Variants in MRPS21 observed in about 807,000 individuals in gnomAD.
MRPS21 encodes small ribosomal subunit protein bS21m.
A neutral mutation model predicts 9.9 loss-of-function variants in MRPS21; 8 were observed. The ratio of observed to expected loss-of-function variants is 0.81; its 90% CI spans 0.47 to 1.45. MRPS21 has a LOEUF of 1.45. MRPS21 is among the 40% of genes most tolerant of loss of function. The probability of loss-of-function intolerance (pLI) is 0.00; values close to 1 mark genes in which losing one functional copy is unlikely to be tolerated. For synonymous variants in MRPS21, 40 were observed against 40.3 expected, an observed-to-expected ratio of 0.99 and a Z score of 0.03; for missense variants, 101 against 118.9, an observed-to-expected ratio of 0.85 and a Z score of 0.70.
At chr1:150,299,014 G>A (rs1487166129) in intron 2 of MRPS21, among the ~76,000 whole-genome samples, 2 of 152,198 alleles carry the variant, frequency 1.3e-5, no homozygotes, top group East Asian at 1.9e-4. Flanking sequence ...CCAGGAGTTC[G>A]AGACTAGCCT....
chr1:150,294,821 C>T (rs1019444419), intron 2 of MRPS21, among the ~76,000 whole-genome samples: 22 of 149,174 alleles, frequency 1.5e-4, no homozygotes, highest in African/African-American at 5.5e-4. Context: ...TCGCTTGAAC[C>T]CGGGAGGCAG....
intron 2 of MRPS21, 56 bp from the exon 3 acceptor site, chr1:150,307,992 T>A: frequency 1.4e-6 from 2 of 1,432,050 alleles, no homozygotes; most frequent in South Asian, 3.2e-5. Context: ...TTTATGAAAC[T>A]GGAAAAGAAT....
intron 2 of MRPS21, among the ~76,000 whole-genome samples, chr1:150,298,398 A>C (rs587656452): frequency 7.2e-5 from 11 of 152,322 alleles, no homozygotes; most frequent in Non-Finnish European, 1.5e-4. Flanking sequence ...AGATTTAGAT[A>C]GGTCTTCTGG....
chr1:150,307,701 C>A (rs587730012), intron 2 of MRPS21, among the ~76,000 whole-genome samples: 1 of 152,160 alleles, frequency 6.6e-6, no homozygotes, highest in Admixed American at 6.6e-5. Context: ...ACCTCAGCCT[C>A]GTGAGTCGCT....
intron 2 of MRPS21, among the ~76,000 whole-genome samples, chr1:150,300,065 G>A (rs981677346): frequency 7.9e-5 from 12 of 152,182 alleles, no homozygotes; most frequent in African/African-American, 2.6e-4. Flanking sequence ...CCTCCTGGCT[G>A]GGCACAGTGA....
At chr1:150,298,501 C>G (rs587741995) in intron 2 of MRPS21, among the ~76,000 whole-genome samples, 2 of 152,278 alleles carry the variant, frequency 1.3e-5, no homozygotes, top group East Asian at 1.9e-4. Flanking sequence ...TTTTAGTTCC[C>G]TTATTCCTAA....
At position 150,294,453 on chromosome 1, in the gene MRPS21, A is replaced by C; in HGVS notation, c.83+4A>C. On this transcript the variant is annotated splice_donor_region_variant and intron_variant, in intron 2 of 2. Coordinates refer to ENST00000614145, the MANE Select transcript of MRPS21 (RefSeq NM_031901.6). ...GCGCATACAGGACCCTAAACAGGTA[A>C]CTGTTAAGGGACCAGAATCATGCCT... 1 of 1,604,206 alleles carries C rather than the reference A, an allele frequency of 6.2e-7. No individual in the cohort carries two copies. Among genetic ancestry groups the C allele is most frequent in the Non-Finnish European group, 8.5e-7 (1 of 1,171,202 alleles).
chr1:150,294,229 C>G, intron 1 of MRPS21, 106 bp from the exon 2 acceptor site: 1 of 708,154 alleles, frequency 1.4e-6, no homozygotes, highest in Non-Finnish European at 2.5e-6. Context: ...CTCGCGCGTC[C>G]CTGAGCATGT....
At chr1:150,305,779 G>C (rs1164674319) in intron 2 of MRPS21, among the ~76,000 whole-genome samples, 2 of 152,114 alleles carry the variant, frequency 1.3e-5, no homozygotes, top group African/African-American at 2.4e-5. Flanking sequence ...ATTTTTAGTA[G>C]AGATGGGGTT....
intron 2 of MRPS21, among the ~76,000 whole-genome samples, chr1:150,297,081 G>A (rs1653939131): frequency 6.6e-6 from 1 of 150,684 alleles, no homozygotes; most frequent in South Asian, 2.1e-4. Context: ...CACGAGGTCA[G>A]GACATCGAGA....
At chr1:150,294,199 A>T (rs1336339727) in intron 1 of MRPS21, 136 bp from the exon 2 acceptor site, 4 of 596,894 alleles carry the variant, frequency 6.7e-6, no homozygotes, top group Non-Finnish European at 1.2e-5. Context: ...ACTTTCTAGG[A>T]TGACTTCCAT....
At chr1:150,302,180 T>C (rs149338132) in intron 2 of MRPS21, among the ~76,000 whole-genome samples, 1 of 152,268 alleles carries the variant, frequency 6.6e-6, no homozygotes, top group African/African-American at 2.4e-5. Context: ...ATTACAACAA[T>C]AGGTAGGAGA....
chr1:150,304,647 C>T (rs145473678), intron 2 of MRPS21: 31 of 201,700 alleles, frequency 1.5e-4, no homozygotes, highest in African/African-American at 5.3e-4. Context: ...CCCAGCTACT[C>T]GGGAGCCTGA....
At chr1:150,307,750 T>C (rs1439498751) in intron 2 of MRPS21, among the ~76,000 whole-genome samples, 1 of 152,008 alleles carries the variant, frequency 6.6e-6, no homozygotes, top group Non-Finnish European at 1.5e-5. Context: ...GGCTAATTAT[T>C]TTTATTTTTT....
chr1:150,308,280 T>C lies in MRPS21; in HGVS notation c.*52T>C. The C allele has an allele frequency of 6.5e-7, 1 of 1,537,460 alleles. No individual in the cohort carries two copies. Among genetic ancestry groups the C allele is most frequent in the East Asian group, 2.3e-5 (1 of 43,676 alleles). On this transcript the variant is annotated 3_prime_UTR_variant, in exon 3 of 3. Transcript: ENST00000614145. ...AAACCCTCATCCAGTTTTCTCTCCA[T>C]CTCTTTTCTTTGTACAATCCCATTT...
In MRPS21 at chr1:150,299,444, TTTTG is replaced by T. The variant is rs369839952; in HGVS notation, c.83+5020_83+5023del. Among the ~76,000 whole-genome samples, 500 of 151,614 alleles carry T rather than the reference TTTTG, an allele frequency of 3.3e-3. 3 individuals are homozygous for T. Among genetic ancestry groups the T allele is most frequent in the South Asian group, 6.0e-3 (29 of 4,814 alleles). ...TGCTTTTCCTGTTTTTTTTTCTGTTTTTTGTTTGTTTGTTTGTTTGTTTGTTTGA... is the reference window on the plus strand; with the variant it reads ...TGCTTTTCCTGTTTTTTTTTCTGTTTTTTGTTTGTTTGTTTGTTTGTTTGA... On this transcript the variant is annotated intron_variant, in intron 2 of 2. Coordinates refer to ENST00000614145, the MANE Select transcript of MRPS21 (RefSeq NM_031901.6).
In MRPS21 at chr1:150,294,384, G is replaced by A. The variant is rs374168311; in HGVS notation, c.18G>A (p.Lys6=). MAKHL[K]FIARTVMVQE... ...CCAAGGTCATGGCAAAACATCTGAA[G>A]TTCATCGCCAGGACTGTGATGGTAC... The change falls in exon 2 of 3, where the codon AAG becomes AAA. Residue 6 remains lysine (K), a synonymous_variant. Coordinates refer to ENST00000614145, the MANE Select transcript of MRPS21 (RefSeq NM_031901.6). 1.9e-6 allele frequency: 3 copies of A among 1,613,456 alleles called. No individual in the cohort carries two copies. Among genetic ancestry groups the A allele is most frequent in the Admixed American group, 3.3e-5 (2 of 59,988 alleles).
intron 2 of MRPS21, among the ~76,000 whole-genome samples, chr1:150,303,672 A>G (rs1462815215): frequency 3.9e-5 from 6 of 152,230 alleles, no homozygotes; most frequent in African/African-American, 9.6e-5. Context: ...TTCCTCATCT[A>G]TAAAAAGAGG....
Position 150,308,253 on chromosome 1 carries a change from C to G in MRPS21, c.*25C>G, listed in dbSNP as rs202148475. The G allele has an allele frequency of 6.4e-7, 1 of 1,568,596 alleles. No homozygotes were observed. Among genetic ancestry groups the G allele is most frequent in the Non-Finnish European group, 8.7e-7 (1 of 1,144,514 alleles). ...AGGCCTGTGGGTGGGACACCCAGTG[C>G]GAAACCCTCATCCAGTTTTCTCTCC... On this transcript the variant is annotated 3_prime_UTR_variant, in exon 3 of 3. Transcript: ENST00000614145.
Sources: allele counts gnomAD v4.1 joint callset (sites outside exome capture counted in the v4.1 genomes callset), GRCh38; gene constraint gnomAD v4.1.1; transcripts MANE v1.5; gene names NCBI Gene and HGNC (gene_info 2026-07-23, HGNC 2026-07-21).